The following TUBGCP5 variants were observed in gnomAD, a reference collection of about 807,000 sequenced individuals.
TUBGCP5 encodes the protein gamma-tubulin complex component 5.
In TUBGCP5, 98 loss-of-function variants were observed where a neutral mutation model predicts 134.7. That is an observed-to-expected ratio of 0.73 (90% CI 0.62 to 0.86). The LOEUF (loss-of-function observed/expected upper bound fraction) is 0.86, where lower values mean the gene tolerates loss of function less well. Ranked by LOEUF, TUBGCP5 falls within the 40% of genes least tolerant of loss-of-function variation. The pLI is 0.00. For missense variants in TUBGCP5, 1,150 were observed against 1,244.8 expected, an observed-to-expected ratio of 0.92 and a Z score of 1.15; for synonymous variants, 456 against 431.4, an observed-to-expected ratio of 1.06 and a Z score of -0.71.
In TUBGCP5 at chr15:23,010,103, C is replaced by A; in HGVS notation, c.1986G>T (p.Glu662Asp). 1.2e-6 allele frequency: 2 copies of A among 1,613,964 alleles called. No homozygotes were observed. ...RMYLEQSDFH[E>D]KFAGGDVCVD... ...CACATACATCACCACCAGCAAACTT[C>A]TCGTGAAAGTCACTCTGCTCCAAAT... is the stretch of plus-strand genomic sequence containing the variant. The change falls in exon 15 of 23, where the codon GAG becomes GAT. Residue 662 changes from glutamate (E) to aspartate (D), a missense_variant. This residue lies in a region of TUBGCP5 where 697 missense variants were observed against 850.1 expected (regional missense o/e 0.82). Coordinates refer to ENST00000615383, the MANE Select transcript of TUBGCP5 (RefSeq NM_052903.6).
intron 23 of TUBGCP5, among the ~76,000 whole-genome samples, chr15:22,984,437 T>C (rs1351735195): frequency 6.6e-6 from 1 of 152,088 alleles, no homozygotes. Context: ...CTGGCCAACG[T>C]GGCGAAACCC....
chr15:23,011,887 G>A (rs112001180), intron 13 of TUBGCP5, among the ~76,000 whole-genome samples: 25 of 144,576 alleles, frequency 1.7e-4, no homozygotes, highest in African/African-American at 3.4e-4. Context: ...AGGCTGAGGC[G>A]GGTGGATCAC....
intron 15 of TUBGCP5, 78 bp from the exon 16 acceptor site, chr15:23,008,959 T>TACAA: frequency 3.3e-6 from 4 of 1,228,554 alleles, no homozygotes; most frequent in Non-Finnish European, 4.5e-6. Flanking sequence ...ACAGGTTTTG[T>TACAA]AACCTGTTTT....
chr15:23,010,695 T>C (rs1384656975), intron 14 of TUBGCP5, among the ~76,000 whole-genome samples: 2 of 151,952 alleles, frequency 1.3e-5, no homozygotes, highest in Non-Finnish European at 2.9e-5. Flanking sequence ...TTATAAAGGA[T>C]AGGCATGGCA....
At chr15:23,009,701 A>C (rs2064926440) in intron 15 of TUBGCP5, among the ~76,000 whole-genome samples, 2 of 152,146 alleles carry the variant, frequency 1.3e-5, no homozygotes, top group African/African-American at 4.8e-5. Flanking sequence ...CTGATAACAA[A>C]CTTTGTAATT....
At chr15:23,005,945 T>TCTTTTTTTTTTTTTTTATA in intron 18 of TUBGCP5, 107 bp downstream of exon 18, 1 of 1,183,946 alleles carries the variant, frequency 8.4e-7, no homozygotes, top group Non-Finnish European at 1.1e-6. Context: ...ACCACCAACT[T>TCTTTTTTTTTTTTTTTATA]TTTTTTTTTT....
rs367853549 is a variant in TUBGCP5 at position 23,006,092 on chromosome 15, T to G, written c.2493A>C (p.Ile831=). The G allele has an allele frequency of 7.4e-6, 12 of 1,611,870 alleles. No homozygotes were observed. Among genetic ancestry groups the G allele is most frequent in the Non-Finnish European group, 1.0e-5 (12 of 1,179,606 alleles). The stretch of plus-strand genomic sequence containing the variant: ...CATCCAGACTATATTTTGCCCACTT[T>G]ATTTGCAATAAGAGAAGAAACACTT... The part of the protein sequence containing the change: ...YNQVFLLLLQ[I]KWAKYSLDVL... Residue 831 remains isoleucine (I), a synonymous_variant, in exon 18 of 23, where the codon ATA becomes ATC. Transcript: ENST00000615383.
rs764215134 is a variant in TUBGCP5, at chr15:22,986,150, T to A, written c.*62-2539A>T. On this transcript the variant is annotated intron_variant and NMD_transcript_variant, in intron 23 of 23. Coordinates refer to the TUBGCP5 transcript ENST00000614508. ...CTCTGTCTCAAAAAAAAAAAAAAAA[T>A]AATAATAATAATAAAATAAAAATAA... Among the ~76,000 whole-genome samples the A allele has an allele frequency of 2.0e-3, 280 of 137,094 alleles. 2 individuals carry two copies. Among genetic ancestry groups the A allele is most frequent in the East Asian group, 7.8e-3 (34 of 4,362 alleles). The allele number at this position is 137,094 out of a possible 152,430, so 89.9% of individuals were successfully genotyped here.
chr15:23,027,821 G>A (rs1213333519), intron 6 of TUBGCP5, among the ~76,000 whole-genome samples: 12 of 145,906 alleles, frequency 8.2e-5, no homozygotes, highest in Admixed American at 4.1e-4. Flanking sequence ...TAACTGACTA[G>A]AAAGTAAAAA....
At chr15:23,002,635 A>G (rs1036159439) in intron 21 of TUBGCP5, among the ~76,000 whole-genome samples, 1 of 152,198 alleles carries the variant, frequency 6.6e-6, no homozygotes, top group African/African-American at 2.4e-5. Context: ...TTGATTTAAA[A>G]TAATTCAGCA....
At chr15:23,005,732 G>T in intron 18 of TUBGCP5, 122 bp from the exon 19 acceptor site, 1 of 1,099,628 alleles carries the variant, frequency 9.1e-7, no homozygotes, top group Non-Finnish European at 1.3e-6. Context: ...CACTGGCAGG[G>T]GTGGCAGGAA....
At chr15:22,993,717 G>C (rs2063941405) in intron 23 of TUBGCP5, among the ~76,000 whole-genome samples, 1 of 151,226 alleles carries the variant, frequency 6.6e-6, no homozygotes, top group African/African-American at 2.4e-5. Flanking sequence ...GCTAGTTCTT[G>C]TATTTTCAGT....
chr15:22,987,440 A>G (rs2063712949), intron 23 of TUBGCP5, among the ~76,000 whole-genome samples: 1 of 152,116 alleles, frequency 6.6e-6, no homozygotes, highest in African/African-American at 2.4e-5. Flanking sequence ...CTGAAAAAGC[A>G]TCCCCCAGCA....
chr15:23,017,811 T>C lies in TUBGCP5; in HGVS notation c.1718A>G (p.Gln573Arg). 1.2e-6 allele frequency: 2 copies of C among 1,613,948 alleles called. No individual in the cohort carries two copies. Among genetic ancestry groups the C allele is most frequent in the Non-Finnish European group, 1.7e-6 (2 of 1,179,850 alleles). ...CTGGCAGGTGGTGCTCTCCGCACAC[T>C]GCAGGTTCTTCAGCAGCTGCATCGA... ...GKSMQLLKNLQCAESTTCQAG... is the reference protein window; with the variant it reads ...GKSMQLLKNLRCAESTTCQAG... The change falls in exon 13 of 23, where the codon CAG becomes CGG. Residue 573 changes from glutamine (Q) to arginine (R), a missense_variant. Gln to Arg is a conservative substitution (Grantham distance 43). Coordinates refer to ENST00000615383, the MANE Select transcript of TUBGCP5 (RefSeq NM_052903.6).
intron 6 of TUBGCP5, among the ~76,000 whole-genome samples, chr15:23,027,881 T>C (rs1439474855): frequency 2.0e-5 from 3 of 152,012 alleles, no homozygotes; most frequent in Non-Finnish European, 4.4e-5. Flanking sequence ...ATATGTTAAT[T>C]GTCCAGTAAC....
intron 18 of TUBGCP5, 108 bp downstream of exon 18, chr15:23,005,944 T>TTCTA: frequency 1.6e-6 from 1 of 642,158 alleles, no homozygotes. Context: ...AACCACCAAC[T>TTCTA]TTTTTTTTTT....
chr15:23,016,303 G>A lies in TUBGCP5; in HGVS notation c.1756+1470C>T, dbSNP rs551236075. 4.6e-5 allele frequency among the ~76,000 whole-genome samples: 7 copies of A among 152,254 alleles called. No individual in the cohort carries two copies. The South Asian group carries it at 1.2e-3, about 27-fold the overall frequency. ...AGGTCAGGAGTTCGAGATCAGCCTG[G>A]CCAACATGGTGAAACCTCGTCTCTA... On this transcript the variant is annotated intron_variant, in intron 13 of 22. Transcript: ENST00000615383.
intron 3 of TUBGCP5, among the ~76,000 whole-genome samples, chr15:23,033,355 G>A (rs186553242): frequency 4.5e-4 from 69 of 151,710 alleles, no homozygotes; most frequent in African/African-American, 1.6e-3. Context: ...TCAGCTCACC[G>A]CAACCTCAGC....
chr15:23,016,967 G>GATATATATATATAT (rs1432048816), intron 13 of TUBGCP5, among the ~76,000 whole-genome samples: 1 of 60,846 alleles, frequency 1.6e-5, no homozygotes, highest in South Asian at 5.3e-4. Context: ...AAAAAATTGT[G>GATATATATATATAT]AGATATATAT....
Sources: allele counts gnomAD v4.1 joint callset (sites outside exome capture counted in the v4.1 genomes callset), GRCh38; gene constraint gnomAD v4.1.1; regional missense constraint gnomAD v4.1.1; transcripts MANE v1.5; gene names NCBI Gene and HGNC (gene_info 2026-07-23, HGNC 2026-07-21).